CTNNA3: variants seen among roughly 807,000 people sequenced by gnomAD.
CTNNA3 encodes the protein catenin alpha 3.
Under a neutral mutation model 95.7 loss-of-function variants are expected in CTNNA3, and 76 were observed. The ratio of observed to expected loss-of-function variants is 0.79; its 90% confidence interval spans 0.66 to 0.96. CTNNA3 has a LOEUF of 0.96. Among genes scored for constraint, CTNNA3 ranks in the 40% least tolerant of loss-of-function variants. The pLI is 0.00. For missense variants in CTNNA3, 1,191 were observed against 1,089.8 expected (o/e 1.09, Z -1.31); for synonymous variants, 431 against 374.4 (o/e 1.15, Z -1.74).
intron 15 of CTNNA3, among the ~76,000 whole-genome samples, chr10:66,007,077 C>A (rs150201483): frequency 6.6e-6 from 1 of 152,110 alleles, no homozygotes; most frequent in East Asian, 1.9e-4. Flanking sequence ...TTTAGGACAC[C>A]GTAAAGCTTA....
chr10:66,951,478 G>A (rs768290461), intron 7 of CTNNA3, among the ~76,000 whole-genome samples: 3 of 152,108 alleles, frequency 2.0e-5, no homozygotes, highest in Non-Finnish European at 4.4e-5. Flanking sequence ...GTCCCCTAAC[G>A]TATTTAATTC....
intron 3 of CTNNA3, among the ~76,000 whole-genome samples, chr10:67,562,214 G>T (rs1419390052): frequency 6.6e-6 from 1 of 152,138 alleles, no homozygotes; most frequent in Admixed American, 6.5e-5. Context: ...CAATATCCTT[G>T]ATGAACATTG....
intron 7 of CTNNA3, among the ~76,000 whole-genome samples, chr10:67,107,811 A>G (rs1003211601): frequency 6.6e-6 from 1 of 152,066 alleles, no homozygotes; most frequent in Non-Finnish European, 1.5e-5. Flanking sequence ...GGGTGCAGTC[A>G]CACAGAGGTT....
At chr10:66,489,652 C>T (rs535540256) in intron 11 of CTNNA3, among the ~76,000 whole-genome samples, 14 of 152,262 alleles carry the variant, frequency 9.2e-5, no homozygotes, top group Middle Eastern at 3.4e-3. Flanking sequence ...TAAATGAAGC[C>T]TTCCCTCTCC....
chr10:66,090,418 G>T (rs1312134051), intron 14 of CTNNA3, among the ~76,000 whole-genome samples: 1 of 151,856 alleles, frequency 6.6e-6, no homozygotes, highest in Non-Finnish European at 1.5e-5. Flanking sequence ...TGATTATGAT[G>T]ATGACAGATA....
intron 10 of CTNNA3, among the ~76,000 whole-genome samples, chr10:66,549,913 T>C (rs1842162656): frequency 6.6e-6 from 1 of 152,218 alleles, no homozygotes; most frequent in South Asian, 2.1e-4. Context: ...TTATGCACTA[T>C]GCACATGTGC....
intron 1 of CTNNA3, among the ~76,000 whole-genome samples, chr10:67,665,015 T>C (rs1840295959): frequency 6.6e-6 from 1 of 152,236 alleles, no homozygotes; most frequent in African/African-American, 2.4e-5. Context: ...CGCTGTACAA[T>C]TTTTGTGTCT....
At chr10:66,088,322 T>C (rs1450505880) in intron 14 of CTNNA3, among the ~76,000 whole-genome samples, 1 of 152,106 alleles carries the variant, frequency 6.6e-6, no homozygotes, top group Non-Finnish European at 1.5e-5. Flanking sequence ...ATGTATACTG[T>C]TTTGTTCCTT....
chr10:66,509,614 G>A (rs1217398311), intron 11 of CTNNA3, among the ~76,000 whole-genome samples: 1 of 151,888 alleles, frequency 6.6e-6, no homozygotes, highest in African/African-American at 2.4e-5. Flanking sequence ...ACCATTTGTT[G>A]AAGAGGGTGT....
At chr10:66,791,411 G>A (rs1159205313) in intron 7 of CTNNA3, among the ~76,000 whole-genome samples, 1 of 152,142 alleles carries the variant, frequency 6.6e-6, no homozygotes, top group African/African-American at 2.4e-5. Flanking sequence ...TGGTCATACT[G>A]ATCCCTCAAT....
intron 11 of CTNNA3, among the ~76,000 whole-genome samples, chr10:66,506,666 A>T (rs1911349): frequency 0.15 from 23,203 of 152,022 alleles, 1,849 homozygotes; most frequent in Non-Finnish European, 0.17. Flanking sequence ...ATTTTTCTTC[A>T]TTGTATTTTC....
At chr10:67,689,116 C>A (rs567450814) in intron 1 of CTNNA3, among the ~76,000 whole-genome samples, 37 of 152,112 alleles carry the variant, frequency 2.4e-4, no homozygotes, top group Admixed American at 7.2e-4. Flanking sequence ...GTATTGGGAC[C>A]TTACCACTGT....
At chr10:66,972,528 C>T (rs1849779208) in intron 7 of CTNNA3, among the ~76,000 whole-genome samples, 1 of 151,916 alleles carries the variant, frequency 6.6e-6, no homozygotes, top group Non-Finnish European at 1.5e-5. Flanking sequence ...GGTCCATTTG[C>T]TCTCGGAGAA....
intron 12 of CTNNA3, among the ~76,000 whole-genome samples, chr10:66,343,544 G>A (rs907752412): frequency 2.0e-5 from 3 of 151,920 alleles, no homozygotes; most frequent in Non-Finnish European, 4.4e-5. Context: ...TCTCATAGAA[G>A]TAAAAGAACA....
chr10:66,877,866 A>G (rs1303117424), intron 7 of CTNNA3, among the ~76,000 whole-genome samples: 2 of 152,170 alleles, frequency 1.3e-5, no homozygotes, highest in Non-Finnish European at 2.9e-5. Flanking sequence ...AAGTTTGTTT[A>G]TAATCCAGAT....
intron 5 of CTNNA3, among the ~76,000 whole-genome samples, chr10:67,407,851 A>G (rs2132827615): frequency 6.6e-6 from 1 of 152,344 alleles, no homozygotes; most frequent in South Asian, 2.1e-4. Context: ...CTAGGAATAC[A>G]GCTAACAGGG....
At chr10:67,604,338 G>A (rs1337987325) in intron 3 of CTNNA3, among the ~76,000 whole-genome samples, 1 of 152,210 alleles carries the variant, frequency 6.6e-6, no homozygotes, top group East Asian at 1.9e-4. Flanking sequence ...GGAAAGAGGT[G>A]CAAGATAATG....
chr10:66,763,339 C>CAGAGAG (rs1435579566), intron 9 of CTNNA3, among the ~76,000 whole-genome samples: 3 of 128,876 alleles, frequency 2.3e-5, no homozygotes, highest in African/African-American at 8.2e-5. Flanking sequence ...CACACACACA[C>CAGAGAG]ACAGAGAGAG....
intron 7 of CTNNA3, among the ~76,000 whole-genome samples, chr10:66,952,131 G>A (rs150916243): frequency 1.3e-5 from 2 of 152,274 alleles, no homozygotes; most frequent in African/African-American, 4.8e-5. Flanking sequence ...CATAAGACAG[G>A]TGCAGAAATC....
Sources: gnomAD v4.1 joint callset for allele counts (sites outside exome capture counted in the v4.1 genomes callset) on GRCh38, gnomAD v4.1.1 for gene constraint, MANE v1.5 for transcripts, NCBI Gene and HGNC (gene_info 2026-07-23, HGNC 2026-07-21) for gene names.